RNF144A: variants seen among roughly 807,000 people sequenced by gnomAD.
RNF144A encodes the protein E3 ubiquitin-protein ligase RNF144A.
In RNF144A, 11 loss-of-function variants were observed where a neutral mutation model predicts 38.7. The ratio of observed to expected loss-of-function variants is 0.28; its 90% CI spans 0.18 to 0.47. The LOEUF is 0.47. RNF144A is among the 20% of genes least tolerant of loss of function. The probability of loss-of-function intolerance (pLI) is 0.99; values close to 1 mark genes in which losing one functional copy is unlikely to be tolerated. For synonymous variants in RNF144A, 149 were observed against 143.9 expected, an observed-to-expected ratio of 1.04 and a Z score of -0.25; for missense variants, 316 against 377.2, an observed-to-expected ratio of 0.84 and a Z score of 1.34.
At chr2:7,062,464 T>C (rs1673996515) in intron 6 of RNF144A, among the ~76,000 whole-genome samples, 1 of 134,794 alleles carries the variant, frequency 7.4e-6, no homozygotes, top group African/African-American at 2.9e-5. Context: ...TGTAATCAAG[T>C]ACAGATGTGT....
At chr2:6,998,285 C>G in intron 3 of RNF144A, among the ~76,000 whole-genome samples, 1 of 152,194 alleles carries the variant, frequency 6.6e-6, no homozygotes, top group Non-Finnish European at 1.5e-5. Flanking sequence ...CGAACAGTCT[C>G]TCCCACCCTG....
At chr2:7,071,692 G>A (rs1674490713), downstream of RNF144A, among the ~76,000 whole-genome samples, 1 of 152,196 alleles carries the variant, frequency 6.6e-6, no homozygotes, top group Admixed American at 6.5e-5. Flanking sequence ...ATGCTGAATG[G>A]ATTCCCTTCT....
chr2:6,954,777 G>A lies in RNF144A; in HGVS notation c.-12+13630G>A, dbSNP rs369414679. Among the ~76,000 whole-genome samples the A allele has an allele frequency of 1.1e-4, 16 of 152,320 alleles. No individual in the cohort carries two copies. The South Asian group carries it at 2.5e-3, about 24-fold the overall frequency. On this transcript the variant is annotated intron_variant, in intron 2 of 8. Coordinates refer to ENST00000320892, the MANE Select transcript of RNF144A (RefSeq NM_014746.6). The stretch of plus-strand genomic sequence containing the variant: ...ACTAGACAAAGGACTGAGATCTTAC[G>A]TGCGTGTAAGTCCAGGGCCATGTGA...
At chr2:7,025,086 T>C (rs1250728296) in intron 7 of RNF144A, among the ~76,000 whole-genome samples, 1 of 152,146 alleles carries the variant, frequency 6.6e-6, no homozygotes, top group Non-Finnish European at 1.5e-5. Context: ...AGCCCTTTGC[T>C]CTCTGGCAGA....
At chr2:6,964,765 A>G (rs1667548642) in intron 2 of RNF144A, among the ~76,000 whole-genome samples, 1 of 152,036 alleles carries the variant, frequency 6.6e-6, no homozygotes, top group South Asian at 2.1e-4. Flanking sequence ...GTGGGAATTG[A>G]AAAATGAGAA....
intron 6 of RNF144A, 68 bp from the exon 7 acceptor site, chr2:7,024,301 A>G (rs373363193): frequency 6.3e-6 from 9 of 1,418,630 alleles, no homozygotes; most frequent in South Asian, 4.4e-5. Context: ...TGCTTCCAGC[A>G]TAGCCAGTGC....
chr2:6,959,350 T>C (rs1342666892), intron 2 of RNF144A, among the ~76,000 whole-genome samples: 1 of 152,150 alleles, frequency 6.6e-6, no homozygotes, highest in African/African-American at 2.4e-5. Context: ...GCATGGCTCA[T>C]TGGTGTGATT....
intron 6 of RNF144A, among the ~76,000 whole-genome samples, chr2:7,052,535 T>C (rs964914084): frequency 6.6e-6 from 1 of 152,150 alleles, no homozygotes; most frequent in Non-Finnish European, 1.5e-5. Context: ...CAGGGCTCTG[T>C]AGAGGCAGCG....
intron 1 of RNF144A, among the ~76,000 whole-genome samples, chr2:6,928,416 C>T (rs548738920): frequency 6.6e-6 from 1 of 152,324 alleles, no homozygotes; most frequent in South Asian, 2.1e-4. Flanking sequence ...GGGCAGATGG[C>T]ACCGAATGGA....
At chr2:6,968,790 A>AGT (rs1416845173) in intron 2 of RNF144A, among the ~76,000 whole-genome samples, 1 of 152,078 alleles carries the variant, frequency 6.6e-6, no homozygotes, top group Non-Finnish European at 1.5e-5. Context: ...GGGCATTGCC[A>AGT]GTGTCTCTTG....
At chr2:7,008,750 T>C (rs1670611649) in intron 3 of RNF144A, among the ~76,000 whole-genome samples, 1 of 152,198 alleles carries the variant, frequency 6.6e-6, no homozygotes, top group African/African-American at 2.4e-5. Context: ...ATAAACAGCC[T>C]CCGCATCCAG....
chr2:6,967,371 A>G (rs1410623260), intron 2 of RNF144A, among the ~76,000 whole-genome samples: 3 of 152,260 alleles, frequency 2.0e-5, no homozygotes, highest in African/African-American at 7.2e-5. Flanking sequence ...GGGGCGTGTG[A>G]GCACCAGTGT....
At chr2:7,014,228 C>T (rs1342101976) in intron 3 of RNF144A, among the ~76,000 whole-genome samples, 1 of 152,204 alleles carries the variant, frequency 6.6e-6, no homozygotes, top group Non-Finnish European at 1.5e-5. Context: ...ATAGCCTTAG[C>T]TTTGTGATTG....
At chr2:7,023,538 T>G (rs764179711) in intron 6 of RNF144A, among the ~76,000 whole-genome samples, 11 of 152,234 alleles carry the variant, frequency 7.2e-5, no homozygotes, top group Non-Finnish European at 1.5e-4. Flanking sequence ...TAACTCCTCT[T>G]AACAGTTTAT....
rs535974790 is a variant in RNF144A, at chr2:6,962,558, G to A, written c.-12+21411G>A. ...TTTCTACCTCCCATATCAAAACTTT[G>A]TGCTATTTAGCCTTCTGACTGAACA... On this transcript the variant is annotated intron_variant, in intron 2 of 8. Transcript: ENST00000320892. This position sits in a 1 kb window ranked among gnomAD's most constrained non-coding sequence, Gnocchi z 4.1. 2.0e-5 allele frequency among the ~76,000 whole-genome samples: 3 copies of A among 152,110 alleles called. No homozygotes were observed. Among genetic ancestry groups the A allele is most frequent in the Non-Finnish European group, 2.9e-5 (2 of 68,016 alleles).
chr2:7,074,643 T>C, the RNF144A span: 4 of 152,208 alleles, frequency 2.6e-5, no homozygotes, highest in African/African-American at 9.6e-5. Flanking sequence ...TCCTTTCATC[T>C]GGGTTATAAG....
In RNF144A at chr2:7,057,783, T is replaced by G. The variant is rs192632478; in HGVS notation, c.735-10433T>G. The stretch of plus-strand genomic sequence containing the variant: ...ATACCATCATCATAATTGCTTGGAG[T>G]GAATAGATAAAAATTGAAAAAAATC... On this transcript the variant is annotated intron_variant, in intron 6 of 6. Transcript: ENST00000432850. Among the ~76,000 whole-genome samples, 4 of 152,092 alleles carry G rather than the reference T, an allele frequency of 2.6e-5. No individual in the cohort carries two copies. In the East Asian group the frequency reaches 5.8e-4, roughly 22 times the overall value.
At chr2:6,999,913 C>T (rs1669992553) in intron 3 of RNF144A, among the ~76,000 whole-genome samples, 2 of 152,310 alleles carry the variant, frequency 1.3e-5, no homozygotes, top group African/African-American at 2.4e-5. Context: ...GCATCCTTGT[C>T]CACATCCCCC....
At chr2:6,940,129 A>G (rs1665872480) in intron 1 of RNF144A, among the ~76,000 whole-genome samples, 1 of 152,170 alleles carries the variant, frequency 6.6e-6, no homozygotes. Flanking sequence ...CATGTAATCT[A>G]TTCACCAATT....
Sources: allele counts gnomAD v4.1 joint callset (sites outside exome capture counted in the v4.1 genomes callset), GRCh38; gene constraint gnomAD v4.1.1; non-coding constraint Gnocchi (gnomAD v3.1); transcripts MANE v1.5; gene names NCBI Gene and HGNC (gene_info 2026-07-23, HGNC 2026-07-21).